Variants in CIZ1 observed in about 807,000 individuals in gnomAD.
CIZ1 encodes the protein cip1-interacting zinc finger protein.
A neutral mutation model predicts 118.6 loss-of-function variants in CIZ1; 58 were observed. That is an observed-to-expected ratio of 0.49 (90% CI 0.40 to 0.61). The LOEUF is 0.61. CIZ1 is among the 20% of genes least tolerant of loss of function. CIZ1 has a pLI of 0.00. For synonymous variants in CIZ1, 448 were observed against 443.4 expected (o/e 1.01, Z -0.13); for missense variants, 921 against 1,115.9 (o/e 0.83, Z 2.49).
chr9:128,169,030 T>A (rs749273127), intron 14 of CIZ1, 22 bp downstream of exon 14: 1 of 1,613,690 alleles, frequency 6.2e-7, no homozygotes. Flanking sequence ...CAAGCCCGCC[T>A]CCCACACCCT....
intron 1 of CIZ1, chr9:128,197,600 G>A (rs1833407404): frequency 6.6e-6 from 1 of 152,248 alleles, no homozygotes; most frequent in South Asian, 2.1e-4. Flanking sequence ...CCTACCTTCC[G>A]GGGGACCCAG....
chr9:128,174,191 T>G (rs2130932013), intron 11 of CIZ1, among the ~76,000 whole-genome samples: 1 of 152,166 alleles, frequency 6.6e-6, no homozygotes, highest in Non-Finnish European at 1.5e-5. Context: ...CATGGGGAAA[T>G]GTATTTCCAT....
At chr9:128,202,567 G>A (rs538615641) in intron 1 of CIZ1, among the ~76,000 whole-genome samples, 10 of 152,180 alleles carry the variant, frequency 6.6e-5, no homozygotes, top group Middle Eastern at 3.4e-3. Context: ...CTCTTCCCCT[G>A]ATCTGCTTGC....
At chr9:128,168,875 CT>C in intron 14 of CIZ1, 176 bp downstream of exon 14, 1 of 905,978 alleles carries the variant, frequency 1.1e-6, no homozygotes, top group Non-Finnish European at 1.7e-6. Context: ...CTGCCACTCT[CT>C]AGTCATCATG....
intron 3 of CIZ1, among the ~76,000 whole-genome samples, chr9:128,189,639 G>C (rs2131021739): frequency 6.6e-6 from 1 of 152,046 alleles, no homozygotes; most frequent in South Asian, 2.1e-4. Context: ...GGCCAACATG[G>C]GGAAACCCCG....
rs150535884 is a variant in CIZ1, at chr9:128,179,008, A to G, written c.1199T>C (p.Leu400Pro). Reference sequence around the variant, plus strand: ...CTGCACCTGTGGCTGCACCTGCTTCAGCGGCTCTGCCTCCTGCTGCAGCTG... The same window carrying G: ...CTGCACCTGTGGCTGCACCTGCTTCGGCGGCTCTGCCTCCTGCTGCAGCTG... Reference protein sequence around the residue: ...QVQLQQEAEPLKQVQPQVQPQ... With the variant: ...QVQLQQEAEPPKQVQPQVQPQ... Residue 400 changes from leucine (L) to proline (P), a missense_variant, in exon 8 of 17, where the codon CTG becomes CCG. By Grantham distance (98) the Leu-to-Pro change is moderately conservative (BLOSUM62 -3). Coordinates refer to ENST00000372938, the MANE Select transcript of CIZ1 (RefSeq NM_001131016.2). 796 of 1,610,228 alleles carry G rather than the reference A, an allele frequency of 4.9e-4. 3 individuals are homozygous for G. Among genetic ancestry groups the G allele is most frequent in the East Asian group, 2.7e-4 (12 of 44,458 alleles).
At position 128,190,870 on chromosome 9, in the gene CIZ1, C is replaced by A; in HGVS notation, c.-5-8G>T. On this transcript the variant is annotated splice_region_variant and splice_polypyrimidine_tract_variant and intron_variant, in intron 1 of 16. Transcript: ENST00000372938. The stretch of plus-strand genomic sequence containing the variant: ...GCTGGCTGAACATGGTGGCTAGGGG[C>A]AGAAAGCAGAGTGAGGCAAGGGGTC... 9 of 1,533,552 alleles carry A rather than the reference C, an allele frequency of 5.9e-6. No individual in the cohort carries two copies. The highest frequency in any genetic ancestry group is 7.9e-6 in the Non-Finnish European group (9 of 1,144,162). The allele number at this position is 1,533,552 out of a possible 1,614,324, so 95.0% of individuals were successfully genotyped here. A position where few individuals can be genotyped will look rare whatever the true frequency, so the allele number is the denominator to read the frequency against.
intron 10 of CIZ1, among the ~76,000 whole-genome samples, 166 bp downstream of exon 10, chr9:128,177,400 C>A (rs964664726): frequency 1.2e-4 from 18 of 152,166 alleles, no homozygotes; most frequent in African/African-American, 4.1e-4. Flanking sequence ...AAACAAAAAA[C>A]AAAACCACCA....
At chr9:128,182,583 G>A (rs1320384212) in intron 5 of CIZ1, among the ~76,000 whole-genome samples, 3 of 151,910 alleles carry the variant, frequency 2.0e-5, no homozygotes, top group African/African-American at 2.4e-5. Context: ...CTGCACAAAC[G>A]GGCCTCTGCA....
At chr9:128,182,826 G>T (rs1257662171) in intron 5 of CIZ1, among the ~76,000 whole-genome samples, 2 of 151,286 alleles carry the variant, frequency 1.3e-5, no homozygotes, top group African/African-American at 4.9e-5. Context: ...GTCTCACTGT[G>T]TTTCCTAGGC....
chr9:128,171,971 G>A (rs746912234), intron 11 of CIZ1, among the ~76,000 whole-genome samples: 79 of 151,648 alleles, frequency 5.2e-4, no homozygotes, highest in Non-Finnish European at 9.9e-4. Flanking sequence ...TCACTGGCCA[G>A]AGTGTATCCT....
At chr9:128,170,599 G>C (rs1427813314) in intron 11 of CIZ1, among the ~76,000 whole-genome samples, 1 of 152,152 alleles carries the variant, frequency 6.6e-6, no homozygotes, top group Non-Finnish European at 1.5e-5. Context: ...AAGTTGCAGT[G>C]AACCAAGATA....
chr9:128,180,072 G>C (rs181558710), intron 7 of CIZ1, among the ~76,000 whole-genome samples: 101 of 152,268 alleles, frequency 6.6e-4, no homozygotes, highest in Non-Finnish European at 6.6e-4. Context: ...ATAAACCGGG[G>C]AGGATCGTTC....
At chr9:128,186,645 C>T (rs1317484101) in intron 4 of CIZ1, among the ~76,000 whole-genome samples, 4 of 152,182 alleles carry the variant, frequency 2.6e-5, no homozygotes, top group Admixed American at 6.5e-5. Flanking sequence ...TAGCAAAGGC[C>T]ATTCCTCACT....
chr9:128,194,362 C>CAAAAAAAA (rs757286334), upstream of CIZ1, among the ~76,000 whole-genome samples: 1 of 74,180 alleles, frequency 1.3e-5, no homozygotes, highest in African/African-American at 4.8e-5. Flanking sequence ...AACTCCATCT[C>CAAAAAAAA]AAAAAAAAAA....
intron 1 of CIZ1, among the ~76,000 whole-genome samples, chr9:128,201,096 A>G (rs935336764): frequency 4.0e-5 from 6 of 151,632 alleles, no homozygotes; most frequent in Non-Finnish European, 8.8e-5. Flanking sequence ...GTGAAACCCT[A>G]TCTCTACTAA....
At chr9:128,190,658 G>T in intron 2 of CIZ1, 30 bp downstream of exon 2, 1 of 1,544,670 alleles carries the variant, frequency 6.5e-7, no homozygotes. Context: ...TAGCAAGGCT[G>T]AAGCCATCGC....
At chr9:128,178,345 T>C (rs1831132827) in intron 9 of CIZ1, 24 bp downstream of exon 9, 1 of 1,603,522 alleles carries the variant, frequency 6.2e-7, no homozygotes, top group African/African-American at 1.3e-5. Context: ...GCCCTCACAC[T>C]GCCACATCAG....
Position 128,203,421 on chromosome 9 carries a change from C to G in CIZ1, c.-6+765G>C. 3 of 1,399,212 alleles carry G rather than the reference C, an allele frequency of 2.1e-6. No homozygotes were observed. The South Asian group carries it at 4.4e-5, about 21-fold the overall frequency. 86.7% of individuals were successfully genotyped at this position (1,399,212 alleles called of 1,614,324 possible). Reference sequence around the variant, plus strand: ...GCAGCGGCGGAGCCGGAGTCGGAGCCGGGAGCGCTAGCGGCAGCCGGATCG... The same window carrying G: ...GCAGCGGCGGAGCCGGAGTCGGAGCGGGGAGCGCTAGCGGCAGCCGGATCG... On this transcript the variant is annotated intron_variant, in intron 1 of 17. Transcript: ENST00000372948. The surrounding 1 kb of genome is among the most constrained non-coding windows in gnomAD (Gnocchi z 5.3).
Sources: gnomAD v4.1 joint callset for allele counts (sites outside exome capture counted in the v4.1 genomes callset) on GRCh38, gnomAD v4.1.1 for gene constraint, Gnocchi (gnomAD v3.1) non-coding constraint, MANE v1.5 for transcripts, NCBI Gene and HGNC (gene_info 2026-07-23, HGNC 2026-07-21) for gene names.